MS4A6A: variants seen among roughly 807,000 people sequenced by gnomAD.
The protein encoded by MS4A6A is membrane-spanning 4-domains subfamily A member 6A.
Under a neutral mutation model 20.6 loss-of-function variants are expected in MS4A6A, and 19 were observed. That is an observed-to-expected ratio of 0.92 (90% confidence interval 0.64 to 1.36). The LOEUF (loss-of-function observed/expected upper bound fraction) is 1.36. Among genes scored for constraint, MS4A6A ranks in the 40% most tolerant of loss-of-function variants. MS4A6A has a pLI of 0.00. For missense variants in MS4A6A, 272 were observed against 261.1 expected, an observed-to-expected ratio of 1.04 and a Z score of -0.29; for synonymous variants, 108 against 105.0, an observed-to-expected ratio of 1.03 and a Z score of -0.17.
At position 60,175,487 on chromosome 11, in the gene MS4A6A, T is replaced by C; in HGVS notation, c.464A>G (p.Asn155Ser). The change falls in exon 5 of 6, where the codon AAT (asparagine) becomes AGT (serine). Residue 155 changes from asparagine (N) to serine (S), a missense_variant. Physicochemically the swap from Asn to Ser is conservative, Grantham distance 46. Transcript: ENST00000528851. ...ASLQCELDKN[N>S]IPTRSYVSYF... ...AGAAACATAACTTCTTGTTGGTATA[T>C]TATTTTTGTCCAACTCACACTGCAG... 6.2e-7 allele frequency: 1 copy of C among 1,614,170 alleles called. No homozygotes were observed. Among genetic ancestry groups the C allele is most frequent in the Non-Finnish European group, 8.5e-7 (1 of 1,180,010 alleles).
intron 4 of MS4A6A, 124 bp from the exon 5 acceptor site, chr11:60,175,735 A>G (rs564132527): frequency 3.1e-6 from 3 of 975,264 alleles, no homozygotes; most frequent in South Asian, 3.3e-5. Context: ...TTGATCATTT[A>G]TTGCTGTATG....
intron 1 of MS4A6A, chr11:60,182,636 G>A (rs1398989638): frequency 3.3e-5 from 5 of 152,578 alleles, no homozygotes; most frequent in Middle Eastern, 3.1e-3. Context: ...AGACCAAGTA[G>A]GTTGTGGTAT....
In MS4A6A at chr11:60,181,688, G is replaced by A. The variant is rs1205561270; in HGVS notation, c.40C>T (p.Leu14Phe). Reference sequence around the variant, plus strand: ...GAGAAGTTGATGACATTTGATGGGAGCACTATGATGGTCTCATTGGGAACA... The same window carrying A: ...GAGAAGTTGATGACATTTGATGGGAACACTATGATGGTCTCATTGGGAACA... ...QPVPNETIIVLPSNVINFSQA... is the reference protein window; with the variant it reads ...QPVPNETIIVFPSNVINFSQA... Residue 14 changes from leucine to phenylalanine, a missense_variant, in exon 2 of 6, where the codon CTC becomes TTC. Leu to Phe is a conservative substitution (Grantham distance 22). Transcript: ENST00000528851. 4 of 1,614,060 alleles carry A rather than the reference G, an allele frequency of 2.5e-6. No individual in the cohort carries two copies. Among genetic ancestry groups the A allele is most frequent in the Non-Finnish European group, 3.4e-6 (4 of 1,179,944 alleles).
In MS4A6A at chr11:60,174,779, A is replaced by G. The variant is rs141209336; in HGVS notation, c.549+623T>C. Among the ~76,000 whole-genome samples the G allele has an allele frequency of 8.1e-4, 124 of 152,304 alleles. 1 individual carries two copies. In the East Asian group the frequency reaches 9.8e-3, roughly 12 times the overall value. ...TAGAATTCTCCTGCAATCATTCTCA[A>G]TTACACTCTCCATCTCCCTATATTT... On this transcript the variant is annotated intron_variant, in intron 5 of 5. Coordinates refer to ENST00000528851, the MANE Select transcript of MS4A6A (RefSeq NM_022349.4).
intron 1 of MS4A6A, 52 bp downstream of exon 1, chr11:60,182,926 A>G: frequency 8.7e-7 from 1 of 1,145,758 alleles, no homozygotes; most frequent in Non-Finnish European, 1.1e-6. Context: ...TCCTCTAATG[A>G]GGTCACGGCA....
At chr11:60,181,765 G>T in intron 1 of MS4A6A, 24 bp from the exon 2 acceptor site, 1 of 1,611,730 alleles carries the variant, frequency 6.2e-7, no homozygotes, top group Non-Finnish European at 8.5e-7. Context: ...AATAGATTTA[G>T]CTCTTAAAAA....
chr11:60,175,878 C>G (rs926793506), intron 4 of MS4A6A, among the ~76,000 whole-genome samples: 1 of 152,088 alleles, frequency 6.6e-6, no homozygotes, highest in South Asian at 2.1e-4. Flanking sequence ...TAAATTCTTT[C>G]CCCAGGACAG....
chr11:60,178,640 G>C (rs1367579746), intron 3 of MS4A6A, among the ~76,000 whole-genome samples: 1 of 151,234 alleles, frequency 6.6e-6, no homozygotes, highest in Non-Finnish European at 1.5e-5. Context: ...TCTAGGGAAG[G>C]ACATAAAAGC....
chr11:60,182,989 G>A lies in MS4A6A; in HGVS notation c.-26C>T. On this transcript the variant is annotated 5_prime_UTR_variant, in exon 1 of 6. Coordinates refer to ENST00000528851, the MANE Select transcript of MS4A6A (RefSeq NM_022349.4). ...CCAGCATTACCTACCTGTGCCCGTTGGTTCCAGCTGAGTCCTCAGAAGCTC... is the reference window on the plus strand; with the variant it reads ...CCAGCATTACCTACCTGTGCCCGTTAGTTCCAGCTGAGTCCTCAGAAGCTC... The A allele has an allele frequency of 7.2e-7, 1 of 1,383,132 alleles. No individual in the cohort carries two copies. The highest frequency in any genetic ancestry group is 9.3e-7 in the Non-Finnish European group (1 of 1,074,452). 85.7% of individuals were successfully genotyped at this position (1,383,132 alleles called of 1,614,324 possible). A position where few individuals can be genotyped will look rare whatever the true frequency, so the allele number is the denominator to read the frequency against.
intron 5 of MS4A6A, among the ~76,000 whole-genome samples, chr11:60,174,134 T>C (rs1028811711): frequency 6.6e-6 from 1 of 152,212 alleles, no homozygotes; most frequent in African/African-American, 2.4e-5. Flanking sequence ...CTGTGCCAAT[T>C]GCTGTCAGCC....
chr11:60,180,134 G>T (rs1221331548), intron 2 of MS4A6A, 169 bp from the exon 3 acceptor site: 5 of 679,644 alleles, frequency 7.4e-6, no homozygotes, highest in Non-Finnish European at 1.2e-5. Flanking sequence ...ATCCTGGAGG[G>T]TGTGCAGCTC....
downstream of MS4A6A, chr11:60,172,271 T>TGTTAGGTCTTCA (rs150394214): frequency 2.0e-3 from 3,159 of 1,611,132 alleles, 59 homozygotes; most frequent in African/African-American, 0.038. Context: ...AAACAAAATA[T>TGTTAGGTCTTCA]GTTAGGTCTT....
intron 2 of MS4A6A, chr11:60,180,981 T>C (rs1246208512): frequency 6.7e-6 from 3 of 447,258 alleles, no homozygotes; most frequent in South Asian, 1.6e-5. Context: ...TCACCTCAGA[T>C]CACATAAGTG....
intron 3 of MS4A6A, 81 bp downstream of exon 3, chr11:60,179,750 G>C (rs1031827542): frequency 3.2e-5 from 49 of 1,508,408 alleles, no homozygotes; most frequent in Non-Finnish European, 4.5e-5. Context: ...AACATAGCAA[G>C]CTGGCAGGTG....
At chr11:60,176,709 T>G (rs564960571) in intron 4 of MS4A6A, among the ~76,000 whole-genome samples, 52 of 152,188 alleles carry the variant, frequency 3.4e-4, no homozygotes, top group Non-Finnish European at 6.3e-4. Flanking sequence ...GCCAGTAGTA[T>G]TCTTGATGCC....
In MS4A6A at chr11:60,172,754, CCA is replaced by C; in HGVS notation, c.*245_*246del. On this transcript the variant is annotated 3_prime_UTR_variant, in exon 6 of 6. Transcript: ENST00000528851. The stretch of plus-strand genomic sequence containing the variant: ...AATGCCAGGCCAGTCATTTAACTTC[CCA>C]GAGTCTCATTCCCTTCGCTGACAAA... 1 of 1,273,226 alleles carries C rather than the reference CCA, an allele frequency of 7.9e-7. No homozygotes were observed. Among genetic ancestry groups the C allele is most frequent in the East Asian group, 3.9e-5 (1 of 25,862 alleles). The allele number at this position is 1,273,226 out of a possible 1,614,324, so 78.9% of individuals were successfully genotyped here.
chr11:60,176,017 C>T (rs1448917558), intron 4 of MS4A6A, among the ~76,000 whole-genome samples: 2 of 152,182 alleles, frequency 1.3e-5, no homozygotes, highest in African/African-American at 4.8e-5. Context: ...AAGCATCAGC[C>T]ACATGGAAAA....
chr11:60,179,391 C>T, intron 3 of MS4A6A: 1 of 404,142 alleles, frequency 2.5e-6, no homozygotes, highest in African/African-American at 2.1e-5. Context: ...TTTCAAAATG[C>T]TCAGAGGTGT....
downstream of MS4A6A, chr11:60,172,272 G>A: frequency 1.2e-6 from 2 of 1,607,666 alleles, no homozygotes; most frequent in Admixed American, 1.7e-5. Context: ...AACAAAATAT[G>A]TTAGGTCTTC....
Sources: gnomAD v4.1 joint callset for allele counts (sites outside exome capture counted in the v4.1 genomes callset) on GRCh38, gnomAD v4.1.1 for gene constraint, MANE v1.5 for transcripts, NCBI Gene and HGNC (gene_info 2026-07-23, HGNC 2026-07-21) for gene names.